NCOA2: variants seen among roughly 807,000 people sequenced by gnomAD.
NCOA2 encodes the protein class E basic helix-loop-helix protein 75.
In NCOA2, 21 loss-of-function variants were observed where a neutral mutation model predicts 145.1. The observed-to-expected ratio is 0.14, with a 90% CI of 0.10 to 0.21. The LOEUF (loss-of-function observed/expected upper bound fraction) is 0.21, where lower values mean the gene tolerates loss of function less well. Among genes scored for constraint, NCOA2 ranks in the 10% least tolerant of loss-of-function variants. The pLI, the probability that NCOA2 is intolerant of heterozygous loss-of-function variation, is 1.00. For synonymous variants in NCOA2, 619 were observed against 637.5 expected (o/e 0.97, Z 0.44); for missense variants, 1,472 against 1,837.6 (o/e 0.80, Z 3.64).
chr8:70,189,641 G>A (rs1465017085), intron 4 of NCOA2, among the ~76,000 whole-genome samples: 2 of 152,174 alleles, frequency 1.3e-5, no homozygotes, highest in African/African-American at 2.4e-5. Context: ...AGAAGTAGTA[G>A]TTTATGTTTT....
At chr8:70,266,278 T>A (rs1239925371) in intron 2 of NCOA2, among the ~76,000 whole-genome samples, 1 of 152,218 alleles carries the variant, frequency 6.6e-6, no homozygotes, top group East Asian at 1.9e-4. Flanking sequence ...TCCTCCTACC[T>A]TAGCCACCTG....
At chr8:70,307,220 CA>C (rs57161747) in intron 1 of NCOA2, among the ~76,000 whole-genome samples, 9,856 of 71,664 alleles carry the variant, frequency 0.14, 214 homozygotes, top group Admixed American at 0.17. Flanking sequence ...CCTACATAAG[CA>C]AAAAAAAAAA....
chr8:70,398,333 C>T (rs1286376596), intron 1 of NCOA2, among the ~76,000 whole-genome samples: 1 of 152,138 alleles, frequency 6.6e-6, no homozygotes, highest in East Asian at 1.9e-4. Flanking sequence ...GAGACACACA[C>T]CTGTAGTCCC....
chr8:70,184,116 G>C (rs1303808309), intron 4 of NCOA2, among the ~76,000 whole-genome samples: 1 of 152,058 alleles, frequency 6.6e-6, no homozygotes, highest in Non-Finnish European at 1.5e-5. Context: ...TGAGAAAAAA[G>C]GTCAGACCGT....
At chr8:70,256,497 C>T (rs1368938785) in intron 2 of NCOA2, among the ~76,000 whole-genome samples, 1 of 152,138 alleles carries the variant, frequency 6.6e-6, no homozygotes, top group Non-Finnish European at 1.5e-5. Context: ...ATTATATTTT[C>T]CAACATAAAC....
At chr8:70,351,780 A>C (rs975973791) in intron 1 of NCOA2, among the ~76,000 whole-genome samples, 4 of 143,940 alleles carry the variant, frequency 2.8e-5, no homozygotes, top group Admixed American at 1.4e-4. Flanking sequence ...TTTTAAGTAG[A>C]GATAAAGTCT....
chr8:70,122,865 G>C (rs1421655428), intron 21 of NCOA2, among the ~76,000 whole-genome samples: 1 of 152,156 alleles, frequency 6.6e-6, no homozygotes, highest in Non-Finnish European at 1.5e-5. Flanking sequence ...TCACAGACCT[G>C]TCAGTGATTT....
intron 4 of NCOA2, among the ~76,000 whole-genome samples, chr8:70,180,726 C>T (rs1174415545): frequency 1.3e-5 from 2 of 152,078 alleles, no homozygotes; most frequent in African/African-American, 2.4e-5. Flanking sequence ...AGACAGCATC[C>T]CACTATGTCA....
At chr8:70,394,395 T>TCCGCCCA (rs1563841900) in intron 1 of NCOA2, among the ~76,000 whole-genome samples, 1 of 152,210 alleles carries the variant, frequency 6.6e-6, no homozygotes, top group Admixed American at 6.5e-5. Flanking sequence ...CCTCAGGTGA[T>TCCGCCCA]CCGCCCACCT....
At chr8:70,172,088 A>G (rs1046174727) in intron 5 of NCOA2, among the ~76,000 whole-genome samples, 1 of 152,120 alleles carries the variant, frequency 6.6e-6, no homozygotes, top group African/African-American at 2.4e-5. Context: ...AGCCTCACAA[A>G]GGGGTGAAAT....
intron 22 of NCOA2, among the ~76,000 whole-genome samples, chr8:70,120,362 C>T (rs879367663): frequency 5.3e-5 from 8 of 152,120 alleles, no homozygotes; most frequent in Non-Finnish European, 1.0e-4. Context: ...ATTTCAATTA[C>T]GTCTAAGTAC....
chr8:70,232,954 C>T (rs769259391), intron 2 of NCOA2, among the ~76,000 whole-genome samples: 6 of 151,678 alleles, frequency 4.0e-5, no homozygotes, highest in South Asian at 2.1e-4. Flanking sequence ...CGGCCAGGCG[C>T]GGTAGCTCAT....
At chr8:70,371,410 A>G (rs1209383945) in intron 1 of NCOA2, among the ~76,000 whole-genome samples, 2 of 152,320 alleles carry the variant, frequency 1.3e-5, no homozygotes, top group East Asian at 1.9e-4. Context: ...AATACAAAAT[A>G]AAATAAAATA....
intron 1 of NCOA2, among the ~76,000 whole-genome samples, chr8:70,364,805 C>T (rs898890943): frequency 4.1e-5 from 6 of 147,912 alleles, no homozygotes; most frequent in African/African-American, 1.5e-4. Flanking sequence ...ACTACCAGAC[C>T]AGTTCTATAA....
chr8:70,331,279 C>T (rs1363980916), intron 1 of NCOA2, among the ~76,000 whole-genome samples: 1 of 152,060 alleles, frequency 6.6e-6, no homozygotes, highest in African/African-American at 2.4e-5. Flanking sequence ...CAAACTAAAA[C>T]AACACAATAG....
At chr8:70,429,379 G>A in the NCOA2 span, among the ~76,000 whole-genome samples, 3 of 152,192 alleles carry the variant, frequency 2.0e-5, no homozygotes, top group African/African-American at 7.2e-5. Flanking sequence ...AGCTACTTAG[G>A]TATGCCTTTA....
chr8:70,369,646 T>G (rs773106744), intron 1 of NCOA2, among the ~76,000 whole-genome samples: 105 of 152,296 alleles, frequency 6.9e-4, no homozygotes, highest in Non-Finnish European at 5.4e-4. Flanking sequence ...ATGATTAATT[T>G]GAGATATCAC....
intron 1 of NCOA2, among the ~76,000 whole-genome samples, chr8:70,331,443 CTG>C (rs1807086284): frequency 6.6e-6 from 1 of 152,074 alleles, no homozygotes; most frequent in South Asian, 2.1e-4. Flanking sequence ...ATTGCTAAAA[CTG>C]TATTAAATTA....
intron 2 of NCOA2, among the ~76,000 whole-genome samples, chr8:70,258,154 T>C (rs1823804466): frequency 6.6e-6 from 1 of 152,188 alleles, no homozygotes; most frequent in Admixed American, 6.5e-5. Flanking sequence ...TGAGCTCAAG[T>C]GATCCGCCAG....
Sources: gnomAD v4.1 joint callset for allele counts (sites outside exome capture counted in the v4.1 genomes callset) on GRCh38, gnomAD v4.1.1 for gene constraint, MANE v1.5 for transcripts, NCBI Gene and HGNC (gene_info 2026-07-23, HGNC 2026-07-21) for gene names.